The following GBF1 variants were observed in gnomAD, a reference collection of about 807,000 sequenced individuals.
The protein encoded by GBF1 is Golgi-specific brefeldin A-resistance guanine nucleotide exchange factor 1.
In GBF1, 114 loss-of-function variants were observed where a neutral mutation model predicts 210.5. The observed-to-expected ratio is 0.54, with a 90% CI of 0.47 to 0.63. The LOEUF is 0.63. Ranked by LOEUF, GBF1 falls within the 30% of genes least tolerant of loss-of-function variation. GBF1 has a pLI of 0.00. For synonymous variants in GBF1, 850 were observed against 889.2 expected (o/e 0.96, Z 0.78); for missense variants, 1,851 against 2,357.7 (o/e 0.79, Z 4.45).
At chr10:102,235,179 AC>A in the GBF1 span, among the ~76,000 whole-genome samples, 7 of 97,398 alleles carry the variant, frequency 7.2e-5, no homozygotes, top group Admixed American at 2.1e-4. Context: ...CCCACCCCCC[AC>A]CCCCCCACCG....
intron 3 of GBF1, among the ~76,000 whole-genome samples, chr10:102,277,151 A>C (rs1356936125): frequency 6.6e-6 from 1 of 152,020 alleles, no homozygotes; most frequent in Non-Finnish European, 1.5e-5. Flanking sequence ...ACATAGGTAG[A>C]CTCCATCTCT....
intron 3 of GBF1, among the ~76,000 whole-genome samples, chr10:102,260,768 C>T (rs1236487444): frequency 4.0e-5 from 6 of 150,952 alleles, no homozygotes; most frequent in East Asian, 3.9e-4. Flanking sequence ...TGAGCCACTG[C>T]GCCTGGCCTA....
At chr10:102,270,375 G>A (rs1290604893) in intron 3 of GBF1, among the ~76,000 whole-genome samples, 1 of 151,586 alleles carries the variant, frequency 6.6e-6, no homozygotes, top group East Asian at 1.9e-4. Context: ...TCACCATGTT[G>A]GCCAGGTTGG....
chr10:102,260,462 T>C (rs542897804), intron 3 of GBF1, among the ~76,000 whole-genome samples: 92 of 144,126 alleles, frequency 6.4e-4, no homozygotes, highest in Non-Finnish European at 1.1e-3. Flanking sequence ...GCCTGGCCTA[T>C]ATTTTCCTTT....
chr10:102,291,408 G>A (rs61874857), intron 3 of GBF1, among the ~76,000 whole-genome samples: 2 of 152,118 alleles, frequency 1.3e-5, no homozygotes, highest in Non-Finnish European at 2.9e-5. Context: ...TGAGGACAAG[G>A]CTGACACCAG....
chr10:102,233,967 C>T, the GBF1 span, among the ~76,000 whole-genome samples: 1 of 152,286 alleles, frequency 6.6e-6, no homozygotes, highest in Middle Eastern at 3.4e-3. Flanking sequence ...GGGCTCAAGA[C>T]TCTGGGTGCC....
rs138405438 is a variant in GBF1 at position 102,381,164 on chromosome 10, C to T, written c.5211C>T (p.Leu1737=). ...TGGAGCCTCAAGGCCAAAAGCCTCT[C>T]GCCTCAGCCCACCTGACTTCCGCTG... ...MPMEPQGQKP[L]ASAHLTSAAG... The change falls in exon 39 of 40, where the codon CTC becomes CTT. Residue 1737 remains leucine, a synonymous_variant. Coordinates refer to ENST00000369983, the MANE Select transcript of GBF1 (RefSeq NM_001377137.1). 3.1e-6 allele frequency: 5 copies of T among 1,613,766 alleles called. No individual in the cohort carries two copies. The highest frequency in any genetic ancestry group is 2.7e-5 in the African/African-American group (2 of 74,928).
chr10:102,356,007 C>G (rs1401821111), intron 8 of GBF1, among the ~76,000 whole-genome samples: 1 of 152,194 alleles, frequency 6.6e-6, no homozygotes, highest in Non-Finnish European at 1.5e-5. Context: ...AAGCATATGA[C>G]TGCAGGCATT....
At chr10:102,264,929 G>A (rs1254998749) in intron 3 of GBF1, among the ~76,000 whole-genome samples, 8 of 152,238 alleles carry the variant, frequency 5.3e-5, no homozygotes, top group Non-Finnish European at 1.5e-5. Context: ...CATGGGTTTA[G>A]ATTCCAAAGA....
At chr10:102,344,630 A>G (rs924425178) in intron 4 of GBF1, among the ~76,000 whole-genome samples, 8 of 151,788 alleles carry the variant, frequency 5.3e-5, no homozygotes, top group Non-Finnish European at 1.2e-4. Flanking sequence ...ACAGGCGCCC[A>G]CCACCACGCC....
chr10:102,353,517 G>A (rs1002641906), intron 7 of GBF1, 83 bp from the exon 8 acceptor site: 10 of 911,586 alleles, frequency 1.1e-5, no homozygotes, highest in Non-Finnish European at 1.7e-5. Context: ...CTCTGGCTCA[G>A]AGCACCTTTG....
At chr10:102,362,264 G>T (rs2059659454) in intron 14 of GBF1, among the ~76,000 whole-genome samples, 1 of 151,674 alleles carries the variant, frequency 6.6e-6, no homozygotes, top group Non-Finnish European at 1.5e-5. Flanking sequence ...CACCATGTTA[G>T]CCAGGATGGT....
chr10:102,361,880 C>A lies in GBF1; in HGVS notation c.1654C>A (p.Leu552Ile). The A allele has an allele frequency of 6.2e-7, 1 of 1,608,916 alleles. No individual in the cohort carries two copies. Among genetic ancestry groups the A allele is most frequent in the East Asian group, 2.2e-5 (1 of 44,792 alleles). The change falls in exon 14 of 40, where the codon CTC becomes ATC. Residue 552 changes from leucine (L) to isoleucine (I), a missense_variant. Physicochemically the swap from Leu to Ile is conservative, Grantham distance 5 (BLOSUM62 2). This residue lies in a region of GBF1 where 804 missense variants were observed against 958.6 expected (regional missense o/e 0.84). Transcript: ENST00000369983. ...NYDCDYYCSNLFEELTKLLSK... is the reference protein window; with the variant it reads ...NYDCDYYCSNIFEELTKLLSK... ...TGATTGTGACTACTACTGTTCCAAC[C>A]TCTTTGAGGAACTCACAAAGCTGCT...
chr10:102,317,417 G>A (rs1434657923), intron 3 of GBF1, among the ~76,000 whole-genome samples: 2 of 152,070 alleles, frequency 1.3e-5, no homozygotes, highest in Middle Eastern at 3.2e-3. Flanking sequence ...TCAGGAGTTC[G>A]AGACCAACCT....
chr10:102,353,590 T>A lies in GBF1; in HGVS notation c.585-10T>A, dbSNP rs757272092. On this transcript the variant is annotated splice_polypyrimidine_tract_variant and intron_variant, in intron 7 of 39. Transcript: ENST00000369983. ...CCCTAATGACAGTTGATGGATTTTC[T>A]ATCTTATAGGTTACCTCAGTTTAAA... 32 of 1,583,860 alleles carry A rather than the reference T, an allele frequency of 2.0e-5. No individual in the cohort carries two copies. Among genetic ancestry groups the A allele is most frequent in the Non-Finnish European group, 2.8e-5 (32 of 1,152,466 alleles).
chr10:102,350,100 C>T, intron 4 of GBF1, among the ~76,000 whole-genome samples: 1 of 152,136 alleles, frequency 6.6e-6, no homozygotes, highest in Non-Finnish European at 1.5e-5. Context: ...CCTGTAATCC[C>T]AGCACTTTGG....
chr10:102,380,136 A>G (rs2135376822), intron 36 of GBF1, 113 bp from the exon 37 acceptor site: 1 of 794,190 alleles, frequency 1.3e-6, no homozygotes, highest in East Asian at 2.4e-5. Flanking sequence ...AGATTCCTCC[A>G]TCTCTGATCT....
intron 37 of GBF1, 45 bp from the exon 38 acceptor site, chr10:102,380,461 C>T (rs1466849912): frequency 1.3e-6 from 2 of 1,596,234 alleles, no homozygotes; most frequent in Admixed American, 1.7e-5. Context: ...CCATACTCCC[C>T]CCATGCCCTC....
rs1464741464 is a variant in GBF1, at chr10:102,293,764, GTTTTGTGTTTTTTTTTT to G, written c.163+33653_163+33669del. Among the ~76,000 whole-genome samples the G allele has an allele frequency of 6.9e-4, 35 of 50,898 alleles. 3 individuals carry two copies. The highest frequency in any genetic ancestry group is 2.0e-3 in the Admixed American group (7 of 3,506). 33.4% of individuals were successfully genotyped at this position (50,898 alleles called of 152,430 possible). Reference sequence around the variant, plus strand: ...AAAATATTTTGTACAGCTGTAGTATGTTTTGTGTTTTTTTTTTTTTTTTTTTTTTTTGAGATGGAGTC... The same window carrying G: ...AAAATATTTTGTACAGCTGTAGTATGTTTTTTTTTTTTTTGAGATGGAGTC... On this transcript the variant is annotated intron_variant, in intron 3 of 39. Transcript: ENST00000369983.
Sources: allele counts gnomAD v4.1 joint callset (sites outside exome capture counted in the v4.1 genomes callset), GRCh38; gene constraint gnomAD v4.1.1; regional missense constraint gnomAD v4.1.1; transcripts MANE v1.5; gene names NCBI Gene and HGNC (gene_info 2026-07-23, HGNC 2026-07-21).